The following CLCN5 variants were observed in gnomAD, a reference collection of about 807,000 sequenced individuals.
CLCN5 encodes H(+)/Cl(-) exchange transporter 5.
A neutral mutation model predicts 54.0 loss-of-function variants in CLCN5; 17 were observed. The observed-to-expected ratio is 0.31, with a 90% CI of 0.22 to 0.47. CLCN5 has a LOEUF of 0.47. Ranked by LOEUF, CLCN5 falls within the 20% of genes least tolerant of loss-of-function variation. The pLI, the probability that CLCN5 is intolerant of heterozygous loss-of-function variation, is 1.00. For synonymous variants in CLCN5, 222 were observed against 233.0 expected, an observed-to-expected ratio of 0.95 and a Z score of 0.43; for missense variants, 448 against 646.7, an observed-to-expected ratio of 0.69 and a Z score of 3.33.
intron 3 of CLCN5, among the ~76,000 whole-genome samples, chrX:49,940,321 G>T (rs782059572): frequency 8.9e-6 from 1 of 111,817 alleles, no homozygotes; most frequent in Non-Finnish European, 1.9e-5. Context: ...AACAGGCCTG[G>T]CATGACACTT....
In CLCN5 at chrX:49,975,935, A is replaced by G. The variant is rs782239748; in HGVS notation, c.16+50621A>G. On this transcript the variant is annotated intron_variant, in intron 3 of 14. Coordinates refer to ENST00000376091, the MANE Select transcript of CLCN5 (RefSeq NM_001127898.4). ...ATTTTGCTTTTCCAAAGAACCCTTG[A>G]TAATGTCTGGAGATGTTGTTCATTG... Among the ~76,000 whole-genome samples, 3 of 112,015 alleles carry G rather than the reference A, an allele frequency of 2.7e-5. No individual in the cohort carries two copies. The South Asian group carries it at 1.1e-3, about 41-fold the overall frequency.
intron 4 of CLCN5, among the ~76,000 whole-genome samples, chrX:50,066,202 C>CAAAAAAAAAAAAAAAAAAAAAAAAA (rs781827477): frequency 1.5e-5 from 1 of 65,331 alleles, no homozygotes; most frequent in African/African-American, 7.6e-5. Context: ...AATTCCAGAG[C>CAAAAAAAAAAAAAAAAAAAAAAAAA]AAAAAAAAAA....
intron 9 of CLCN5, among the ~76,000 whole-genome samples, chrX:50,084,764 G>C (rs1333064809): frequency 8.9e-6 from 1 of 111,892 alleles, no homozygotes; most frequent in Non-Finnish European, 1.9e-5. Flanking sequence ...ATCATCAGCG[G>C]CAACCTTTTT....
intron 4 of CLCN5, among the ~76,000 whole-genome samples, chrX:50,049,729 A>G (rs1227084873): frequency 1.8e-5 from 2 of 111,504 alleles, no homozygotes; most frequent in Non-Finnish European, 3.8e-5. Flanking sequence ...ATTTGCATAC[A>G]TTATGTTCAT....
intron 3 of CLCN5, among the ~76,000 whole-genome samples, chrX:50,001,549 T>C (rs1187757885): frequency 9.2e-6 from 1 of 108,588 alleles, no homozygotes; most frequent in Non-Finnish European, 1.9e-5. Context: ...ATGTGCCATG[T>C]TGGTGTGCTG....
intron 2 of CLCN5, among the ~76,000 whole-genome samples, chrX:49,924,452 G>A (rs1557167688): frequency 1.8e-5 from 2 of 112,114 alleles, no homozygotes; most frequent in African/African-American, 6.5e-5. Context: ...ACCGCACCCG[G>A]CCCCTAACTC....
chrX:50,045,132 A>C (rs1932353021), intron 4 of CLCN5, among the ~76,000 whole-genome samples: 2 of 111,619 alleles, frequency 1.8e-5, no homozygotes, highest in Non-Finnish European at 3.8e-5. Context: ...TGAGGAGGTG[A>C]CTAATTTGGG....
intron 3 of CLCN5, among the ~76,000 whole-genome samples, chrX:50,027,249 C>G (rs909976187): frequency 9.0e-6 from 1 of 110,600 alleles, no homozygotes; most frequent in South Asian, 3.8e-4. Flanking sequence ...CTCCTGACCT[C>G]GTGATCCGCC....
chrX:50,075,650 A>G (rs1933374009), intron 6 of CLCN5, 145 bp from the exon 7 acceptor site: 3 of 534,864 alleles, frequency 5.6e-6, no homozygotes, highest in Admixed American at 2.6e-5. Flanking sequence ...GAAAGAGGTT[A>G]CAGGTGGAAT....
At chrX:50,091,765 T>C (rs1557194846) in intron 14 of CLCN5, among the ~76,000 whole-genome samples, 3 of 112,373 alleles carry the variant, frequency 2.7e-5, no homozygotes, top group Non-Finnish European at 5.6e-5. Context: ...AGAATGTGCA[T>C]GCTGTTGCTG....
intron 3 of CLCN5, among the ~76,000 whole-genome samples, chrX:49,942,539 G>A (rs1248702961): frequency 5.6e-5 from 6 of 107,523 alleles, no homozygotes; most frequent in African/African-American, 1.7e-4. Context: ...ACCTCCTAAT[G>A]GTATCCCTCC....
intron 3 of CLCN5, among the ~76,000 whole-genome samples, chrX:49,961,560 T>G (rs188967332): frequency 7.4e-4 from 83 of 111,733 alleles, no homozygotes; most frequent in African/African-American, 2.5e-3. Flanking sequence ...TATAATCGAG[T>G]GCCAGATGCC....
At position 50,086,589 on chromosome X, in the gene CLCN5, C is replaced by A; in HGVS notation, c.1276C>A (p.Pro426Thr). The A allele has an allele frequency of 8.3e-7, 1 of 1,211,041 alleles. No individual in the cohort carries two copies. The stretch of plus-strand genomic sequence containing the variant: ...AAAGACCACCCAGTTGGGCAAGTAT[C>A]CTGTTATAGAGGTACTCGTCGTGAC... Reference protein sequence around the residue: ...KRKTTQLGKYPVIEVLVVTAI... With the variant: ...KRKTTQLGKYTVIEVLVVTAI... The change falls in exon 11 of 15, where the codon CCT becomes ACT. Residue 426 changes from proline (P) to threonine (T), a missense_variant. By Grantham distance (38) the Pro-to-Thr change is conservative. Around this residue, in one of 5 missense-constraint regions of CLCN5, gnomAD observed 297 missense variants for 470.4 expected, o/e 0.63. Coordinates refer to ENST00000376091, the MANE Select transcript of CLCN5 (RefSeq NM_001127898.4).
intron 3 of CLCN5, among the ~76,000 whole-genome samples, chrX:50,012,527 G>A (rs1465482868): frequency 8.9e-6 from 1 of 112,499 alleles, no homozygotes; most frequent in Admixed American, 9.4e-5. Flanking sequence ...TATTCAGGTT[G>A]TCCCTCTCTT....
intron 3 of CLCN5, among the ~76,000 whole-genome samples, chrX:49,989,056 A>T (rs1192164038): frequency 1.9e-5 from 2 of 106,158 alleles, no homozygotes; most frequent in African/African-American, 7.3e-5. Context: ...TGCTCTACTT[A>T]CACTTAATAT....
chrX:49,998,160 C>T (rs1388209069), intron 3 of CLCN5, among the ~76,000 whole-genome samples: 1 of 111,122 alleles, frequency 9.0e-6, no homozygotes, highest in Non-Finnish European at 1.9e-5. Context: ...CAGGGACTCC[C>T]GCCCTCCCCA....
At chrX:49,926,610 A>C (rs1557168042) in intron 3 of CLCN5, among the ~76,000 whole-genome samples, 1 of 111,827 alleles carries the variant, frequency 8.9e-6, no homozygotes, top group African/African-American at 3.3e-5. Context: ...GGAAGTTCCA[A>C]GTTGCTCTGT....
At chrX:50,041,560 C>T (rs1932216881) in intron 3 of CLCN5, among the ~76,000 whole-genome samples, 1 of 110,377 alleles carries the variant, frequency 9.1e-6, no homozygotes, top group South Asian at 3.9e-4. Flanking sequence ...CTGGGAGAGT[C>T]AGAAGAATAA....
intron 4 of CLCN5, among the ~76,000 whole-genome samples, chrX:50,051,355 T>C (rs1932580415): frequency 8.9e-6 from 1 of 112,144 alleles, no homozygotes; most frequent in African/African-American, 3.2e-5. Flanking sequence ...ATTTTGGGGC[T>C]CTCTATTCTG....
Sources: allele counts gnomAD v4.1 joint callset (sites outside exome capture counted in the v4.1 genomes callset), GRCh38; gene constraint gnomAD v4.1.1; regional missense constraint gnomAD v4.1.1; transcripts MANE v1.5; gene names NCBI Gene and HGNC (gene_info 2026-07-23, HGNC 2026-07-21).